Variants in ANK3 observed in about 807,000 individuals in gnomAD.
ANK3 encodes the protein ankyrin 3, also known as ankyrin-3.
Under a neutral mutation model 370.9 loss-of-function variants are expected in ANK3, and 57 were observed. The ratio of observed to expected loss-of-function variants is 0.15; its 90% CI spans 0.12 to 0.19. ANK3 has a LOEUF of 0.19. Ranked by LOEUF, ANK3 falls within the 10% of genes least tolerant of loss-of-function variation. The pLI is 1.00. For missense variants in ANK3, 4,439 were observed against 5,302.1 expected (o/e 0.84, Z 5.06); for synonymous variants, 1,929 against 1,946.3 (o/e 0.99, Z 0.23).
chr10:60,357,326 T>G (rs917393778), intron 1 of ANK3, among the ~76,000 whole-genome samples: 1 of 152,218 alleles, frequency 6.6e-6, no homozygotes, highest in Non-Finnish European at 1.5e-5. Flanking sequence ...CATTCCCTTG[T>G]GTCTCTTGGC....
At chr10:60,266,517 C>T (rs1431319836) in intron 5 of ANK3, among the ~76,000 whole-genome samples, 1 of 152,140 alleles carries the variant, frequency 6.6e-6, no homozygotes, top group Admixed American at 6.5e-5. Flanking sequence ...GTAAAAATGA[C>T]AGTCCACTTC....
chr10:60,084,431 A>T, intron 32 of ANK3, 171 bp downstream of exon 32: 1 of 360,374 alleles, frequency 2.8e-6, no homozygotes, highest in Non-Finnish European at 4.8e-6. Flanking sequence ...AAATTAAATT[A>T]AATTAAAAAA....
In ANK3 at chr10:60,651,533, A is replaced by G. The variant is rs577985475; in HGVS notation, c.58-36309T>C. The stretch of plus-strand genomic sequence containing the variant: ...AATGAACTTCATGTTCTATTTTAAC[A>G]ATAACATTGTGAATTAACATGCATG... On this transcript the variant is annotated intron_variant, in intron 1 of 43. Transcript: ENST00000373827. 7.9e-5 allele frequency among the ~76,000 whole-genome samples: 12 copies of G among 152,366 alleles called. No homozygotes were observed. The South Asian group carries it at 2.3e-3, about 29-fold the overall frequency.
chr10:60,135,613 C>G (rs7072073), intron 24 of ANK3, among the ~76,000 whole-genome samples: 84,467 of 152,094 alleles, frequency 0.56, 24,451 homozygotes, highest in African/African-American at 0.69. Context: ...TCTAAAAGTG[C>G]CTTCTTGTAT....
At chr10:60,346,050 G>A (rs1048813406) in intron 1 of ANK3, among the ~76,000 whole-genome samples, 2 of 152,058 alleles carry the variant, frequency 1.3e-5, no homozygotes, top group Admixed American at 1.3e-4. Flanking sequence ...AGAACATGTG[G>A]TTGGCCACTA....
At chr10:60,326,259 C>T (rs1397861502) in intron 1 of ANK3, among the ~76,000 whole-genome samples, 2 of 151,984 alleles carry the variant, frequency 1.3e-5, no homozygotes, top group Non-Finnish European at 1.5e-5. Context: ...CACACCTGCA[C>T]GTGTATTTCT....
chr10:60,170,722 G>A (rs1179220163), intron 21 of ANK3, among the ~76,000 whole-genome samples: 1 of 152,120 alleles, frequency 6.6e-6, no homozygotes, highest in Non-Finnish European at 1.5e-5. Flanking sequence ...CTTCTGATGG[G>A]AACCTGATGG....
At chr10:60,113,367 T>C (rs939939343) in intron 26 of ANK3, among the ~76,000 whole-genome samples, 4 of 152,144 alleles carry the variant, frequency 2.6e-5, no homozygotes, top group Non-Finnish European at 4.4e-5. Flanking sequence ...CAAAGACCTG[T>C]ATCATATGAG....
intron 23 of ANK3, among the ~76,000 whole-genome samples, chr10:60,142,389 C>G (rs994569614): frequency 6.6e-6 from 1 of 152,164 alleles, no homozygotes; most frequent in African/African-American, 2.4e-5. Context: ...GTAAACACAT[C>G]TGCTTAGTCT....
chr10:60,474,905 C>G (rs1239993361), intron 2 of ANK3, among the ~76,000 whole-genome samples: 1 of 151,972 alleles, frequency 6.6e-6, no homozygotes, highest in African/African-American at 2.4e-5. Flanking sequence ...CTTCATTATG[C>G]TTTTCTGCAT....
chr10:60,453,214 A>G (rs915525399), intron 2 of ANK3, among the ~76,000 whole-genome samples: 8 of 152,176 alleles, frequency 5.3e-5, no homozygotes, highest in African/African-American at 1.4e-4. Context: ...TAAGGAATCA[A>G]TAATAACATG....
chr10:60,056,603 T>C (rs2079221553), intron 41 of ANK3, among the ~76,000 whole-genome samples: 1 of 152,182 alleles, frequency 6.6e-6, no homozygotes, highest in Non-Finnish European at 1.5e-5. Context: ...AAACTGCAGT[T>C]CTACAGCTAC....
At chr10:60,140,969 G>T (rs552992528) in intron 23 of ANK3, 1 of 985,532 alleles carries the variant, frequency 1.0e-6, no homozygotes, top group Non-Finnish European at 1.2e-6. Flanking sequence ...TGGCCCAGGC[G>T]GGGAGTGGCA....
intron 2 of ANK3, among the ~76,000 whole-genome samples, chr10:60,532,569 T>C (rs768689747): frequency 3.3e-5 from 5 of 152,106 alleles, no homozygotes; most frequent in Non-Finnish European, 5.9e-5. Flanking sequence ...TGAGAAGAAC[T>C]GTTTGCAGCC....
intron 9 of ANK3, among the ~76,000 whole-genome samples, chr10:60,212,592 G>A (rs765391390): frequency 3.9e-5 from 6 of 152,068 alleles, no homozygotes; most frequent in Non-Finnish European, 7.4e-5. Flanking sequence ...TAAACCCTAC[G>A]TTTTAAATGA....
At chr10:60,482,951 G>A (rs557622970) in intron 2 of ANK3, among the ~76,000 whole-genome samples, 1 of 152,160 alleles carries the variant, frequency 6.6e-6, no homozygotes, top group African/African-American at 2.4e-5. Context: ...AAAGAACTAA[G>A]CACAGGATTT....
intron 8 of ANK3, among the ~76,000 whole-genome samples, chr10:60,219,175 T>C (rs1438722379): frequency 1.3e-5 from 2 of 152,058 alleles, no homozygotes; most frequent in Non-Finnish European, 2.9e-5. Context: ...AGTTAGCAAT[T>C]CCTCTAACCT....
intron 26 of ANK3, among the ~76,000 whole-genome samples, chr10:60,110,112 G>GA (rs1045939270): frequency 6.6e-6 from 1 of 151,110 alleles, no homozygotes. Context: ...AGTGTTTTTA[G>GA]AAAAAAAAAG....
chr10:60,136,563 C>T (rs1239868085), intron 24 of ANK3, among the ~76,000 whole-genome samples: 1 of 152,134 alleles, frequency 6.6e-6, no homozygotes, highest in East Asian at 1.9e-4. Context: ...ATTACCTATT[C>T]ATTTTAATTT....
Sources: allele counts gnomAD v4.1 joint callset (sites outside exome capture counted in the v4.1 genomes callset), GRCh38; gene constraint gnomAD v4.1.1; transcripts MANE v1.5; gene names NCBI Gene and HGNC (gene_info 2026-07-23, HGNC 2026-07-21).